The following PHYHIPL variants were observed in gnomAD, a reference collection of about 807,000 sequenced individuals.
PHYHIPL encodes the protein phytanoyl-CoA 2-hydroxylase interacting protein like, also known as phytanoyl-CoA hydroxylase-interacting protein-like.
In PHYHIPL, 9 loss-of-function variants were observed where a neutral mutation model predicts 33.4. The ratio of observed to expected loss-of-function variants is 0.27; its 90% confidence interval spans 0.16 to 0.47. The LOEUF (loss-of-function observed/expected upper bound fraction) is 0.47, where lower values mean the gene tolerates loss of function less well. PHYHIPL is among the 20% of genes least tolerant of loss of function. The pLI, the probability that PHYHIPL is intolerant of heterozygous loss-of-function variation, is 0.99. For synonymous variants in PHYHIPL, 153 were observed against 154.1 expected (o/e 0.99, Z 0.05); for missense variants, 365 against 460.7 (o/e 0.79, Z 1.90).
Position 59,222,402 on chromosome 10 carries a change from C to A in PHYHIPL, c.107-11902C>A, listed in dbSNP as rs140860957. Among the ~76,000 whole-genome samples the A allele has an allele frequency of 4.7e-3, 719 of 151,660 alleles. 3 individuals are homozygous for A. Among genetic ancestry groups the A allele is most frequent in the African/African-American group, 0.017 (694 of 41,374 alleles). ...ATGCATAGAAAAGAGGTAATAAAAG[C>A]GAAATATTCTTTAAAAATAAAAATG... On this transcript the variant is annotated intron_variant, in intron 1 of 4. Coordinates refer to ENST00000373880, the MANE Select transcript of PHYHIPL (RefSeq NM_032439.4).
intron 1 of PHYHIPL, among the ~76,000 whole-genome samples, chr10:59,216,914 G>T (rs1031525785): frequency 2.0e-5 from 3 of 152,114 alleles, no homozygotes; most frequent in Non-Finnish European, 4.4e-5. Flanking sequence ...ATTCATCTTT[G>T]AATCTTCTGG....
intron 1 of PHYHIPL, chr10:59,177,239 C>A (rs935400850): frequency 1.2e-5 from 7 of 583,102 alleles, no homozygotes; most frequent in Admixed American, 3.5e-5. Flanking sequence ...GCGACGTTCC[C>A]GCTCGCGGCT....
At chr10:59,207,789 G>T (rs1324619737) in intron 1 of PHYHIPL, among the ~76,000 whole-genome samples, 2 of 151,978 alleles carry the variant, frequency 1.3e-5, no homozygotes, top group African/African-American at 4.8e-5. Flanking sequence ...TACTTGGGAG[G>T]CTGAGGCAGG....
At chr10:59,190,470 C>G (rs1331416068) in intron 1 of PHYHIPL, among the ~76,000 whole-genome samples, 1 of 151,826 alleles carries the variant, frequency 6.6e-6, no homozygotes, top group Non-Finnish European at 1.5e-5. Context: ...AATTCTGTAT[C>G]TTGTATCATT....
chr10:59,212,476 AAT>A (rs1839484408), intron 1 of PHYHIPL, among the ~76,000 whole-genome samples: 1 of 152,228 alleles, frequency 6.6e-6, no homozygotes, highest in Admixed American at 6.5e-5. Context: ...AGTCTCAGGC[AAT>A]CCCAGCAGGC....
At chr10:59,186,183 T>C (rs950475829) in intron 1 of PHYHIPL, among the ~76,000 whole-genome samples, 6 of 152,230 alleles carry the variant, frequency 3.9e-5, no homozygotes, top group Non-Finnish European at 8.8e-5. Context: ...TTTCTCCATA[T>C]GGCTAGCCAG....
At chr10:59,199,004 G>A (rs190235851) in intron 1 of PHYHIPL, among the ~76,000 whole-genome samples, 284 of 152,122 alleles carry the variant, frequency 1.9e-3, no homozygotes, top group African/African-American at 5.1e-3. Context: ...CATTCTGTAC[G>A]TTGCCTGTTC....
chr10:59,240,389 A>C lies in PHYHIPL; in HGVS notation c.596+1684A>C, dbSNP rs572657752. On this transcript the variant is annotated intron_variant, in intron 4 of 4. Transcript: ENST00000373880. Reference sequence around the variant, plus strand: ...AAAATATCAAGTTGAAAATTCATTTAATACACCTAACTTACAAAACATCAT... The same window carrying C: ...AAAATATCAAGTTGAAAATTCATTTCATACACCTAACTTACAAAACATCAT... Among the ~76,000 whole-genome samples, 6 of 152,196 alleles carry C rather than the reference A, an allele frequency of 3.9e-5. 1 individual carries two copies. The South Asian group carries it at 6.2e-4, about 16-fold the overall frequency.
chr10:59,213,199 T>C (rs1039948854), intron 1 of PHYHIPL, among the ~76,000 whole-genome samples: 27 of 152,274 alleles, frequency 1.8e-4, no homozygotes, highest in South Asian at 1.4e-3. Context: ...TTTTCTCCAA[T>C]GCACTTTCTT....
At chr10:59,237,459 T>G (rs1564459337) in intron 3 of PHYHIPL, among the ~76,000 whole-genome samples, 1 of 151,916 alleles carries the variant, frequency 6.6e-6, no homozygotes, top group African/African-American at 2.4e-5. Flanking sequence ...GATGACTGTT[T>G]CCTATAAAAA....
chr10:59,218,899 G>T (rs576174341), intron 1 of PHYHIPL, among the ~76,000 whole-genome samples: 41 of 151,836 alleles, frequency 2.7e-4, no homozygotes, highest in Middle Eastern at 6.8e-3. Context: ...TGGATTTTAT[G>T]TGCACAATTT....
rs1184613380 is a variant in PHYHIPL at position 59,177,009 on chromosome 10, GC to G, written c.106+52del. On this transcript the variant is annotated intron_variant, in intron 1 of 4. Transcript: ENST00000373880. ...AAAGGGACAGAGTTCGCGCCGAGGC[GC>G]CGGGGCCACTCTGGCTCCGCCGACG... The G allele has an allele frequency of 8.5e-6, 13 of 1,535,908 alleles. No homozygotes were observed. In the Admixed American group the frequency reaches 1.9e-4, roughly 23 times the overall value.
At chr10:59,213,070 A>G (rs919037492) in intron 1 of PHYHIPL, among the ~76,000 whole-genome samples, 2 of 152,190 alleles carry the variant, frequency 1.3e-5, no homozygotes, top group Non-Finnish European at 2.9e-5. Flanking sequence ...CATACTCTGT[A>G]TATGGTTCCA....
chr10:59,226,162 A>C (rs1488863647), intron 1 of PHYHIPL, among the ~76,000 whole-genome samples: 2 of 152,164 alleles, frequency 1.3e-5, no homozygotes, highest in Non-Finnish European at 2.9e-5. Context: ...GAACATTAGA[A>C]AATTAATAAT....
intron 1 of PHYHIPL, chr10:59,177,631 G>C: frequency 6.4e-7 from 1 of 1,551,492 alleles, no homozygotes; most frequent in Non-Finnish European, 8.7e-7. Flanking sequence ...ACGTACCATT[G>C]CGTGTTGATA....
intron 1 of PHYHIPL, among the ~76,000 whole-genome samples, chr10:59,229,363 AT>A (rs1840013079): frequency 1.3e-5 from 2 of 152,178 alleles, no homozygotes; most frequent in Admixed American, 1.3e-4. Context: ...GAGAATTATT[AT>A]GGTGAATGAT....
intron 1 of PHYHIPL, among the ~76,000 whole-genome samples, chr10:59,207,135 G>T (rs1056548698): frequency 1.3e-5 from 2 of 151,202 alleles, no homozygotes; most frequent in African/African-American, 4.9e-5. Flanking sequence ...GAGGTGGCTG[G>T]CAAGATGGCA....
intron 1 of PHYHIPL, among the ~76,000 whole-genome samples, chr10:59,218,980 G>T (rs566319523): frequency 1.3e-5 from 2 of 151,782 alleles, no homozygotes; most frequent in Admixed American, 1.3e-4. Flanking sequence ...ACCCAGGCTG[G>T]AGAGCAGTGG....
In PHYHIPL at chr10:59,191,987, G is replaced by A. The variant is rs1300718469; in HGVS notation, c.106+15028G>A. ...GGAAGGGCCAAACAGTTGAACCAGA[G>A]CCTTACCTACAACTAATTGAACTCT... On this transcript the variant is annotated intron_variant, in intron 1 of 4. Coordinates refer to ENST00000373880, the MANE Select transcript of PHYHIPL (RefSeq NM_032439.4). Among the ~76,000 whole-genome samples, 3 of 152,024 alleles carry A rather than the reference G, an allele frequency of 2.0e-5. No individual in the cohort carries two copies. The South Asian group carries it at 6.2e-4, about 32-fold the overall frequency.
Sources: gnomAD v4.1 joint callset for allele counts (sites outside exome capture counted in the v4.1 genomes callset) on GRCh38, gnomAD v4.1.1 for gene constraint, MANE v1.5 for transcripts, NCBI Gene and HGNC (gene_info 2026-07-23, HGNC 2026-07-21) for gene names.